Variants in POLA1 observed in about 807,000 individuals in gnomAD.
POLA1 encodes the protein DNA polymerase alpha 1, catalytic subunit.
In POLA1, 15 loss-of-function variants were observed where a neutral mutation model predicts 124.0. The observed-to-expected ratio is 0.12, with a 90% CI of 0.08 to 0.19. The LOEUF (loss-of-function observed/expected upper bound fraction) is 0.19, where lower values mean the gene tolerates loss of function less well. POLA1 is among the 10% of genes least tolerant of loss of function. The pLI is 1.00. For missense variants in POLA1, 886 were observed against 1,103.4 expected (o/e 0.80, Z 2.79); for synonymous variants, 408 against 389.4 (o/e 1.05, Z -0.56).
chrX:24,992,212 AGCGTAGAGGGGTGCAG>A (rs2048542662), intron 36 of POLA1, among the ~76,000 whole-genome samples: 1 of 110,844 alleles, frequency 9.0e-6, no homozygotes, highest in African/African-American at 3.3e-5. Flanking sequence ...ACGTGTAGAG[AGCGTAGAGGGGTGCAG>A]TTTTCTTTCA....
chrX:24,817,115 CTT>C (rs1212906932), intron 30 of POLA1, among the ~76,000 whole-genome samples: 2 of 111,354 alleles, frequency 1.8e-5, no homozygotes, highest in East Asian at 2.8e-4. Context: ...GACTTACTGT[CTT>C]TATATTCTCC....
In POLA1 at chrX:24,926,041, T is replaced by A. The variant is rs755211490; in HGVS notation, c.4165-4412T>A. ...GCAAGACCTCATCTCTACTAAAAGT[T>A]TTTTTTTTTTTTTAGTTAGCTGGGT... is the stretch of plus-strand genomic sequence containing the variant. On this transcript the variant is annotated intron_variant, in intron 35 of 36. Transcript: ENST00000379068. Among the ~76,000 whole-genome samples the A allele has an allele frequency of 2.8e-5, 3 of 106,172 alleles. No individual in the cohort carries two copies. In the East Asian group the frequency reaches 8.7e-4, roughly 31 times the overall value. The allele number at this position is 106,172 out of a possible 115,157, so 92.2% of individuals were successfully genotyped here.
rs773992498 is a variant in POLA1, at chrX:24,735,368, C to T, written c.1834-31C>T. 1.7e-5 allele frequency: 16 copies of T among 925,763 alleles called. No individual in the cohort carries two copies. In the South Asian group the frequency reaches 2.6e-4, roughly 15 times the overall value. The allele number at this position is 925,763 out of a possible 1,213,427, so 76.3% of individuals were successfully genotyped here. A position where few individuals can be genotyped will look rare whatever the true frequency, so the allele number is the denominator to read the frequency against. ...ACAGTACTTGCGGACAGTAAAGAGT[C>T]GTCAGTGACTGGTGTGTTTTTATCT... On this transcript the variant is annotated intron_variant, in intron 17 of 36. Coordinates refer to ENST00000379068, the MANE Select transcript of POLA1 (RefSeq NM_001330360.2).
intron 34 of POLA1, among the ~76,000 whole-genome samples, chrX:24,867,087 ATT>A (rs35709929): frequency 1.4e-4 from 15 of 109,143 alleles, no homozygotes; most frequent in African/African-American, 4.0e-4. Context: ...ATAAAACTTG[ATT>A]TTTTTTTAAT....
chrX:24,855,708 C>T (rs1454549338), intron 34 of POLA1, among the ~76,000 whole-genome samples: 1 of 111,509 alleles, frequency 9.0e-6, no homozygotes, highest in African/African-American at 3.3e-5. Flanking sequence ...AGAACTTCAA[C>T]GCCATGATCA....
chrX:24,951,343 A>AACCCCCCC (rs2048039914), intron 36 of POLA1, among the ~76,000 whole-genome samples: 2 of 40,936 alleles, frequency 4.9e-5, no homozygotes, highest in Non-Finnish European at 9.3e-5. Context: ...ACACCTCCCT[A>AACCCCCCC]CCCCCCCCCC....
At chrX:24,788,731 T>C (rs1207061122) in intron 26 of POLA1, 2 of 1,203,558 alleles carry the variant, frequency 1.7e-6, no homozygotes, top group East Asian at 3.0e-5. Context: ...TCTTTGCTTC[T>C]TCACTTTCCT....
intron 36 of POLA1, among the ~76,000 whole-genome samples, chrX:24,954,470 A>G (rs1449838613): frequency 8.9e-6 from 1 of 112,368 alleles, no homozygotes; most frequent in African/African-American, 3.2e-5. Context: ...AAAGCAGCCA[A>G]CCACACTGAT....
intron 26 of POLA1, among the ~76,000 whole-genome samples, chrX:24,799,333 G>A (rs950915856): frequency 1.8e-5 from 2 of 112,332 alleles, no homozygotes; most frequent in Non-Finnish European, 3.8e-5. Flanking sequence ...TTCAGACCAG[G>A]TGTTTAGTAA....
intron 36 of POLA1, among the ~76,000 whole-genome samples, chrX:24,942,006 G>A (rs2047913684): frequency 1.8e-5 from 2 of 112,005 alleles, no homozygotes; most frequent in African/African-American, 3.2e-5. Flanking sequence ...TCCCCTCTTC[G>A]TGCCCTGAAC....
chrX:24,991,718 T>C (rs2048537474), intron 36 of POLA1, among the ~76,000 whole-genome samples: 1 of 112,685 alleles, frequency 8.9e-6, no homozygotes, highest in Non-Finnish European at 1.9e-5. Context: ...AGCTAAACCA[T>C]GGATATTTTA....
intron 23 of POLA1, among the ~76,000 whole-genome samples, chrX:24,744,278 G>T (rs907426641): frequency 4.5e-5 from 5 of 112,333 alleles, no homozygotes; most frequent in Non-Finnish European, 7.5e-5. Flanking sequence ...TTTGAATTCA[G>T]TGTGATCTTG....
At chrX:24,916,627 T>A (rs73471555) in intron 35 of POLA1, among the ~76,000 whole-genome samples, 6,512 of 111,495 alleles carry the variant, frequency 0.058, 456 homozygotes, top group African/African-American at 0.2. Context: ...TGGGATGTAT[T>A]ATCAAAGGAC....
intron 4 of POLA1, among the ~76,000 whole-genome samples, chrX:24,704,951 A>AT (rs1405868721): frequency 2.7e-5 from 3 of 110,356 alleles, no homozygotes; most frequent in Admixed American, 9.7e-5. Flanking sequence ...ATCATTGGCA[A>AT]TTTTTTTTTG....
At position 24,863,230 on chromosome X, in the gene POLA1, C is replaced by A. The variant is rs1285785645; in HGVS notation, c.4047+19553C>A. On this transcript the variant is annotated intron_variant, in intron 34 of 36. Transcript: ENST00000379068. ...CAGAACAGAATGAAATAGCTGCTAT[C>A]TTTTGTCTTCATTGAAGGGAAGAGT... Among the ~76,000 whole-genome samples, 4 of 104,810 alleles carry A rather than the reference C, an allele frequency of 3.8e-5. No homozygotes were observed. The Admixed American group carries it at 4.2e-4, about 11-fold the overall frequency. The allele number at this position is 104,810 out of a possible 115,157, so 91.0% of individuals were successfully genotyped here.
chrX:24,748,251 A>G, intron 24 of POLA1, 60 bp from the exon 25 acceptor site: 3 of 858,878 alleles, frequency 3.5e-6, no homozygotes, highest in Non-Finnish European at 4.9e-6. Flanking sequence ...ATAAAATATT[A>G]CTGTAGAAAT....
intron 35 of POLA1, among the ~76,000 whole-genome samples, chrX:24,923,457 G>A (rs1182964728): frequency 9.0e-6 from 1 of 111,668 alleles, no homozygotes; most frequent in African/African-American, 3.3e-5. Flanking sequence ...ATTCAGCAAC[G>A]TGTGTTGCCA....
At chrX:24,817,683 A>G (rs1175507144) in intron 30 of POLA1, among the ~76,000 whole-genome samples, 1 of 110,472 alleles carries the variant, frequency 9.1e-6, no homozygotes, top group Admixed American at 9.7e-5. Flanking sequence ...AATAGAGAAG[A>G]ATTTCTGCAG....
rs747174897 is a variant in POLA1, at chrX:24,957,864, C to T, written c.4261+27315C>T. On this transcript the variant is annotated intron_variant, in intron 36 of 36. Coordinates refer to ENST00000379068, the MANE Select transcript of POLA1 (RefSeq NM_001330360.2). ...CATCATAGGGGAACAAGAGGAGACG[C>T]GAGGAAAGTAGTTGGAAGATTTTAG... is the stretch of plus-strand genomic sequence containing the variant. Among the ~76,000 whole-genome samples, 7 of 108,981 alleles carry T rather than the reference C, an allele frequency of 6.4e-5. No homozygotes were observed. The South Asian group carries it at 1.7e-3, about 26-fold the overall frequency. The allele number at this position is 108,981 out of a possible 115,157, so 94.6% of individuals were successfully genotyped here. A position where few individuals can be genotyped will look rare whatever the true frequency, so the allele number is the denominator to read the frequency against.
Sources: gnomAD v4.1 joint callset for allele counts (sites outside exome capture counted in the v4.1 genomes callset) on GRCh38, gnomAD v4.1.1 for gene constraint, MANE v1.5 for transcripts, NCBI Gene and HGNC (gene_info 2026-07-23, HGNC 2026-07-21) for gene names.